The following ZHX2 variants were observed in gnomAD, a reference collection of about 807,000 sequenced individuals.
The protein encoded by ZHX2 is zinc fingers and homeoboxes 2.
In ZHX2, 6 loss-of-function variants were observed where a neutral mutation model predicts 21.9. The observed-to-expected ratio is 0.27, with a 90% confidence interval of 0.15 to 0.54. ZHX2 has a LOEUF of 0.54. Ranked by LOEUF, ZHX2 falls within the 20% of genes least tolerant of loss-of-function variation. ZHX2 has a pLI of 0.95. For missense variants in ZHX2, 908 were observed against 1,090.7 expected (o/e 0.83, Z 2.36); for synonymous variants, 434 against 437.1 (o/e 0.99, Z 0.09).
Position 122,953,901 on chromosome 8 carries a change from G to A in ZHX2, c.2391G>A (p.Thr797=), listed in dbSNP as rs113010849. The change falls in exon 3 of 4, where the codon ACG becomes ACA. Residue 797 remains threonine, a synonymous_variant. Coordinates refer to ENST00000314393, the MANE Select transcript of ZHX2 (RefSeq NM_014943.5). This position sits in a 1 kb window ranked among gnomAD's most constrained non-coding sequence, Gnocchi z 4.6. The part of the protein sequence containing the change: ...ESSVVDYVEV[T]VGEEDAISDR... Reference sequence around the variant, plus strand: ...GCGTTGTGGATTACGTGGAGGTGACGGTCGGGGAGGAGGATGCGATCTCAG... The same window carrying A: ...GCGTTGTGGATTACGTGGAGGTGACAGTCGGGGAGGAGGATGCGATCTCAG... 1.9e-4 allele frequency: 302 copies of A among 1,614,180 alleles called. 2 individuals carry two copies. The African/African-American group carries it at 2.9e-3, about 15-fold the overall frequency.
chr8:122,962,525 T>C (rs1442983890), intron 3 of ZHX2, among the ~76,000 whole-genome samples: 1 of 152,248 alleles, frequency 6.6e-6, no homozygotes, highest in Non-Finnish European at 1.5e-5. Flanking sequence ...CACTTGTTGG[T>C]TGATGGGCAT....
intron 1 of ZHX2, among the ~76,000 whole-genome samples, chr8:122,831,529 G>A (rs1818375426): frequency 6.6e-6 from 1 of 152,196 alleles, no homozygotes; most frequent in African/African-American, 2.4e-5. Context: ...TTTGGGCTCG[G>A]AAGTCCTCCT....
chr8:122,907,029 C>T (rs1040055903), intron 2 of ZHX2, among the ~76,000 whole-genome samples: 1 of 152,110 alleles, frequency 6.6e-6, no homozygotes. Context: ...GTGGTTTCGA[C>T]TTAAAGGTGA....
At chr8:122,905,427 A>C (rs1040113330) in intron 2 of ZHX2, among the ~76,000 whole-genome samples, 1 of 152,236 alleles carries the variant, frequency 6.6e-6, no homozygotes, top group Non-Finnish European at 1.5e-5. Flanking sequence ...ATCAAAAACT[A>C]TATTTCAGGA....
At chr8:122,787,721 G>A (rs1329750106) in intron 1 of ZHX2, among the ~76,000 whole-genome samples, 1 of 152,212 alleles carries the variant, frequency 6.6e-6, no homozygotes, top group Non-Finnish European at 1.5e-5. Context: ...AGACAGAGAA[G>A]GAGCCTGCTA....
At chr8:122,955,159 C>T (rs1179863849) in intron 3 of ZHX2, among the ~76,000 whole-genome samples, 1 of 145,412 alleles carries the variant, frequency 6.9e-6, no homozygotes, top group Admixed American at 7.1e-5. Flanking sequence ...CCTTGGTATT[C>T]TGCTTCCTAA....
intron 2 of ZHX2, among the ~76,000 whole-genome samples, chr8:122,939,722 CA>C (rs1812794835): frequency 6.6e-6 from 1 of 152,136 alleles, no homozygotes; most frequent in Non-Finnish European, 1.5e-5. Context: ...AACAGTTACA[CA>C]GGAAATTTAA....
intron 3 of ZHX2, among the ~76,000 whole-genome samples, chr8:122,960,695 A>G (rs781610773): frequency 1.3e-5 from 2 of 152,210 alleles, no homozygotes; most frequent in African/African-American, 2.4e-5. Context: ...AAAGGTGGCC[A>G]TGGTGGGCAT....
intron 2 of ZHX2, among the ~76,000 whole-genome samples, chr8:122,872,745 A>G (rs1274311385): frequency 2.0e-5 from 3 of 152,242 alleles, no homozygotes; most frequent in African/African-American, 4.8e-5. Context: ...GTGTAAAACA[A>G]AAAGGCGGTT....
chr8:122,873,185 G>C (rs879627490), intron 2 of ZHX2, among the ~76,000 whole-genome samples: 3 of 152,198 alleles, frequency 2.0e-5, no homozygotes, highest in Admixed American at 6.5e-5. Flanking sequence ...AAGCCTAGTC[G>C]TTAAGAAAAA....
rs1393784315 is a variant in ZHX2 at position 122,800,621 on chromosome 8, T to G, written c.-283+18675T>G. Among the ~76,000 whole-genome samples the G allele has an allele frequency of 3.3e-5, 5 of 152,236 alleles. No individual in the cohort carries two copies. In the East Asian group the frequency reaches 9.6e-4, roughly 29 times the overall value. On this transcript the variant is annotated intron_variant, in intron 1 of 3. Transcript: ENST00000314393. ...TTAGAGACTTGGCACATTGGGAATT[T>G]GTCCTGGCAACTGATGAAACATCTT... is the stretch of plus-strand genomic sequence containing the variant.
At chr8:122,914,625 T>A (rs1820555387) in intron 2 of ZHX2, among the ~76,000 whole-genome samples, 3 of 152,228 alleles carry the variant, frequency 2.0e-5, no homozygotes, top group South Asian at 2.1e-4. Flanking sequence ...AAACCCAAAC[T>A]AATTAAAACT....
intron 1 of ZHX2, among the ~76,000 whole-genome samples, chr8:122,827,689 A>G (rs1211475553): frequency 6.6e-6 from 1 of 152,270 alleles, no homozygotes; most frequent in Non-Finnish European, 1.5e-5. Flanking sequence ...CTGTACATAA[A>G]TAATTAAGAA....
intron 1 of ZHX2, among the ~76,000 whole-genome samples, chr8:122,793,927 T>C (rs1817570339): frequency 6.6e-6 from 1 of 152,228 alleles, no homozygotes; most frequent in Non-Finnish European, 1.5e-5. Context: ...TGGCACACCC[T>C]GAGTGTGGGC....
intron 2 of ZHX2, among the ~76,000 whole-genome samples, chr8:122,872,674 A>G (rs1021484360): frequency 3.3e-5 from 5 of 152,218 alleles, no homozygotes; most frequent in African/African-American, 1.2e-4. Flanking sequence ...TTAAGTTGGT[A>G]TTTGATTATA....
chr8:122,903,666 C>G (rs547704786), intron 2 of ZHX2, among the ~76,000 whole-genome samples: 24 of 152,306 alleles, frequency 1.6e-4, no homozygotes, highest in African/African-American at 5.5e-4. Context: ...GGTCTACAGA[C>G]AGTGTAGATT....
chr8:122,843,890 C>CAG (rs61320276), intron 1 of ZHX2, among the ~76,000 whole-genome samples: 104,977 of 151,700 alleles, frequency 0.69, 36,991 homozygotes, highest in Middle Eastern at 0.84. Context: ...GTATAAAACA[C>CAG]AGTAATTAGA....
chr8:122,860,902 G>A (rs944458768), intron 1 of ZHX2, among the ~76,000 whole-genome samples: 1 of 151,988 alleles, frequency 6.6e-6, no homozygotes, highest in Non-Finnish European at 1.5e-5. Context: ...GCATGGCAGT[G>A]CATGCCTGTA....
At chr8:122,851,123 G>T (rs1818886438) in intron 1 of ZHX2, among the ~76,000 whole-genome samples, 1 of 152,206 alleles carries the variant, frequency 6.6e-6, no homozygotes, top group Non-Finnish European at 1.5e-5. Context: ...AAGGATGCCT[G>T]GGGGGTGCGA....
Sources: allele counts gnomAD v4.1 joint callset (sites outside exome capture counted in the v4.1 genomes callset), GRCh38; gene constraint gnomAD v4.1.1; non-coding constraint Gnocchi (gnomAD v3.1); transcripts MANE v1.5; gene names NCBI Gene and HGNC (gene_info 2026-07-23, HGNC 2026-07-21).